BBS7: variants seen among roughly 807,000 people sequenced by gnomAD.
BBS7 encodes BBSome complex member BBS7.
BBS7 carries 50 observed loss-of-function variants against 90.3 expected under a neutral mutation model. The ratio of observed to expected loss-of-function variants is 0.55; its 90% CI spans 0.44 to 0.70. The LOEUF (loss-of-function observed/expected upper bound fraction) is 0.70, where lower values mean the gene tolerates loss of function less well. Ranked by LOEUF, BBS7 falls within the 30% of genes least tolerant of loss-of-function variation. BBS7 has a pLI of 0.00. For missense variants in BBS7, 729 were observed against 838.9 expected (o/e 0.87, Z 1.62); for synonymous variants, 235 against 287.4 (o/e 0.82, Z 1.85).
chr4:121,866,011 G>T (rs1453831897), intron 2 of BBS7, among the ~76,000 whole-genome samples: 6 of 151,984 alleles, frequency 3.9e-5, no homozygotes, highest in South Asian at 4.1e-4. Flanking sequence ...TTGGTCATTT[G>T]TATGTATTCT....
chr4:121,854,543 T>A (rs1726496916), intron 7 of BBS7, among the ~76,000 whole-genome samples, 161 bp downstream of exon 7: 1 of 152,166 alleles, frequency 6.6e-6, no homozygotes, highest in Non-Finnish European at 1.5e-5. Flanking sequence ...ATTATGCCAA[T>A]AGTATAATAG....
chr4:121,868,049 A>G lies in BBS7; in HGVS notation c.37-3T>C. 1.2e-6 allele frequency: 2 copies of G among 1,611,640 alleles called. No individual in the cohort carries two copies. The highest frequency in any genetic ancestry group is 1.1e-5 in the South Asian group (1 of 91,026). On this transcript the variant is annotated splice_polypyrimidine_tract_variant and splice_region_variant and intron_variant, in intron 1 of 18. Coordinates refer to ENST00000264499, the MANE Select transcript of BBS7 (RefSeq NM_176824.3). ...GTCTTCTGAGATGTTACTCCCACCT[A>G]AAGAAAAACACCAGATGCCTAGTGA...
At chr4:121,836,270 C>A (rs1725446897) in intron 13 of BBS7, among the ~76,000 whole-genome samples, 2 of 152,104 alleles carry the variant, frequency 1.3e-5, no homozygotes, top group African/African-American at 4.8e-5. Flanking sequence ...GGATATCAGA[C>A]ATCTTTGCTT....
intron 14 of BBS7, among the ~76,000 whole-genome samples, chr4:121,834,216 C>A (rs2149055405): frequency 6.6e-6 from 1 of 152,178 alleles, no homozygotes; most frequent in Non-Finnish European, 1.5e-5. Flanking sequence ...GATGAAAAAA[C>A]TAAAACCTAG....
chr4:121,829,863 TA>T (rs1423227205), intron 15 of BBS7, among the ~76,000 whole-genome samples: 1 of 152,176 alleles, frequency 6.6e-6, no homozygotes, highest in Non-Finnish European at 1.5e-5. Context: ...GAACAAGGGA[TA>T]AAATCTTGAT....
At chr4:121,846,223 A>G (rs961736256) in intron 10 of BBS7, among the ~76,000 whole-genome samples, 1 of 152,190 alleles carries the variant, frequency 6.6e-6, no homozygotes, top group Admixed American at 6.5e-5. Context: ...TGGCTTAACT[A>G]CCAAGAGTTA....
intron 2 of BBS7, among the ~76,000 whole-genome samples, chr4:121,863,566 C>G (rs1727100792): frequency 6.6e-6 from 1 of 152,008 alleles, no homozygotes; most frequent in Non-Finnish European, 1.5e-5. Context: ...ATTGTAGGTT[C>G]TGGGAGTCCA....
chr4:121,859,835 C>G (rs906584753), intron 4 of BBS7, among the ~76,000 whole-genome samples: 1 of 152,002 alleles, frequency 6.6e-6, no homozygotes, highest in African/African-American at 2.4e-5. Flanking sequence ...TTTCATATTA[C>G]ATTTAACAAA....
intron 13 of BBS7, 102 bp downstream of exon 13, chr4:121,839,529 G>T: frequency 1.0e-6 from 1 of 994,102 alleles, no homozygotes; most frequent in Non-Finnish European, 1.6e-6. Flanking sequence ...TCATTTCAGG[G>T]AGAAATTAAA....
chr4:121,851,825 G>C (rs1726335388), intron 8 of BBS7, among the ~76,000 whole-genome samples: 2 of 152,340 alleles, frequency 1.3e-5, no homozygotes, highest in South Asian at 4.1e-4. Flanking sequence ...CCCAACCTAA[G>C]CATAACCTGA....
rs182925360 is a variant in BBS7, at chr4:121,854,602, G to A, written c.718+102C>T. 5.9e-4 allele frequency: 659 copies of A among 1,124,024 alleles called. 2 individuals are homozygous for A. The African/African-American group carries it at 9.9e-3, about 17-fold the overall frequency. The allele number at this position is 1,124,024 out of a possible 1,614,324, so 69.6% of individuals were successfully genotyped here. On this transcript the variant is annotated intron_variant, in intron 7 of 18. Coordinates refer to ENST00000264499, the MANE Select transcript of BBS7 (RefSeq NM_176824.3). ...GATAAATCAAGGTGTGAATTGCTAA[G>A]TCTGCTATGTAGTATAAATAGATAA...
At chr4:121,843,240 G>A in intron 12 of BBS7, among the ~76,000 whole-genome samples, 1 of 152,210 alleles carries the variant, frequency 6.6e-6, no homozygotes, top group South Asian at 2.1e-4. Context: ...CAGGAATATT[G>A]AAAAGGTTTT....
At position 121,828,701 on chromosome 4, in the gene BBS7, G is replaced by C. The variant is rs747737287; in HGVS notation, c.1704C>G (p.Asp568Glu). ...YRKGEGVFKS[D>E]NISTISILKD... is the part of the protein sequence containing the mutation. ...TTAGGATGGAGATAGTAGAAATGTT[G>C]TCAGATTTAAAAACTCCCTCTCCTT... The change falls in exon 16 of 19, where the codon GAC (aspartate) becomes GAG (glutamate). Residue 568 changes from aspartate to glutamate, a missense_variant. Coordinates refer to ENST00000264499, the MANE Select transcript of BBS7 (RefSeq NM_176824.3). The C allele has an allele frequency of 6.2e-7, 1 of 1,603,334 alleles. No homozygotes were observed. Among genetic ancestry groups the C allele is most frequent in the Admixed American group, 1.7e-5 (1 of 59,596 alleles).
intron 8 of BBS7, among the ~76,000 whole-genome samples, chr4:121,851,547 A>G (rs1726323044): frequency 1.3e-5 from 2 of 152,172 alleles, no homozygotes; most frequent in Non-Finnish European, 2.9e-5. Flanking sequence ...TAGTATGGAT[A>G]AGTTTTATGT....
intron 6 of BBS7, 80 bp from the exon 7 acceptor site, chr4:121,854,900 A>G: frequency 7.3e-7 from 1 of 1,361,490 alleles, no homozygotes; most frequent in Non-Finnish European, 1.0e-6. Context: ...GTTATGTAAA[A>G]ATATCATTTT....
intron 15 of BBS7, among the ~76,000 whole-genome samples, chr4:121,830,601 C>A (rs1269747259): frequency 6.6e-6 from 1 of 151,994 alleles, no homozygotes; most frequent in African/African-American, 2.4e-5. Flanking sequence ...CATAACAATT[C>A]AATAAAGTAA....
intron 5 of BBS7, among the ~76,000 whole-genome samples, chr4:121,855,964 A>G (rs750569458): frequency 0.06 from 25 of 414 alleles, no homozygotes; most frequent in Admixed American, 0.17. Context: ...ATATGTGTGT[A>G]TATATATATA....
chr4:121,827,966 G>T, intron 18 of BBS7, 180 bp downstream of exon 18: 1 of 1,408,086 alleles, frequency 7.1e-7, no homozygotes, highest in South Asian at 1.8e-5. Context: ...ATTAAAAGTA[G>T]CTTGACAAAA....
At chr4:121,863,355 G>T (rs535693825) in intron 2 of BBS7, 76 bp from the exon 3 acceptor site, 1 of 1,274,200 alleles carries the variant, frequency 7.8e-7, no homozygotes, top group Non-Finnish European at 1.1e-6. Context: ...GGGAAAGCAA[G>T]ATTCTTAATT....
Sources: allele counts gnomAD v4.1 joint callset (sites outside exome capture counted in the v4.1 genomes callset), GRCh38; gene constraint gnomAD v4.1.1; transcripts MANE v1.5; gene names NCBI Gene and HGNC (gene_info 2026-07-23, HGNC 2026-07-21).